SBF2: variants seen among roughly 807,000 people sequenced by gnomAD.
The protein encoded by SBF2 is myotubularin-related protein 13.
SBF2 carries 112 observed loss-of-function variants against 225.2 expected under a neutral mutation model. The ratio of observed to expected loss-of-function variants is 0.50; its 90% confidence interval spans 0.43 to 0.58. The LOEUF (loss-of-function observed/expected upper bound fraction) is 0.58, where lower values mean the gene tolerates loss of function less well. Ranked by LOEUF, SBF2 falls within the 20% of genes least tolerant of loss-of-function variation. SBF2 has a pLI of 0.00. For synonymous variants in SBF2, 763 were observed against 773.3 expected (o/e 0.99, Z 0.22); for missense variants, 1,996 against 2,206.2 (o/e 0.90, Z 1.91).
chr11:10,226,796 G>C (rs1958582139), intron 1 of SBF2, among the ~76,000 whole-genome samples: 1 of 152,148 alleles, frequency 6.6e-6, no homozygotes, highest in Non-Finnish European at 1.5e-5. Context: ...ACATACATGT[G>C]CATGTGTCTT....
intron 16 of SBF2, among the ~76,000 whole-genome samples, chr11:9,941,313 C>A (rs1030467846): frequency 1.3e-5 from 2 of 151,720 alleles, no homozygotes; most frequent in African/African-American, 4.8e-5. Flanking sequence ...TGGAGCAAGA[C>A]CCTGTCTCTT....
chr11:10,289,743 G>A (rs1372891829), intron 1 of SBF2, among the ~76,000 whole-genome samples: 1 of 152,154 alleles, frequency 6.6e-6, no homozygotes, highest in Non-Finnish European at 1.5e-5. Context: ...GCTGCTGGCT[G>A]GGTCCCTGAA....
chr11:9,955,929 A>T (rs1866136456), intron 16 of SBF2, among the ~76,000 whole-genome samples: 1 of 152,138 alleles, frequency 6.6e-6, no homozygotes, highest in Non-Finnish European at 1.5e-5. Context: ...CTTAAATAGT[A>T]TATAACATGC....
intron 6 of SBF2, 79 bp downstream of exon 6, chr11:10,028,373 G>A (rs1949124762): frequency 2.3e-6 from 2 of 879,948 alleles, no homozygotes; most frequent in African/African-American, 1.6e-5. Context: ...TGATTCATGT[G>A]AGGTGATGTC....
intron 31 of SBF2, chr11:9,808,414 C>T (rs1853974280): frequency 1.7e-6 from 1 of 575,940 alleles, no homozygotes; most frequent in Non-Finnish European, 3.1e-6. Flanking sequence ...GGAATTGAGA[C>T]TTTAATCCTT....
chr11:9,963,970 G>A, intron 14 of SBF2, 88 bp from the exon 15 acceptor site: 1 of 791,566 alleles, frequency 1.3e-6, no homozygotes, highest in Non-Finnish European at 2.1e-6. Flanking sequence ...AAGACTGTAG[G>A]TTGGGCGTGG....
intron 2 of SBF2, among the ~76,000 whole-genome samples, chr11:10,086,034 C>T (rs562586851): frequency 2.9e-5 from 4 of 138,158 alleles, no homozygotes; most frequent in South Asian, 4.5e-4. Context: ...CTGGCACACA[C>T]GTGCATGTGT....
At chr11:10,083,919 T>C (rs1951457281) in intron 2 of SBF2, among the ~76,000 whole-genome samples, 2 of 152,166 alleles carry the variant, frequency 1.3e-5, no homozygotes, top group Non-Finnish European at 2.9e-5. Context: ...CTGGAAGTCA[T>C]GCTTGAGGCC....
intron 28 of SBF2, among the ~76,000 whole-genome samples, chr11:9,827,573 C>T (rs1203616954): frequency 6.6e-6 from 1 of 151,808 alleles, no homozygotes; most frequent in Non-Finnish European, 1.5e-5. Context: ...ATTTCCTCTG[C>T]AGAGTGAAAA....
chr11:10,130,620 C>T (rs1467592151), intron 2 of SBF2, among the ~76,000 whole-genome samples: 2 of 151,940 alleles, frequency 1.3e-5, no homozygotes, highest in Non-Finnish European at 2.9e-5. Context: ...GTGTAATCAC[C>T]ATCACAATCA....
At chr11:9,885,742 T>C (rs1257943923) in intron 17 of SBF2, among the ~76,000 whole-genome samples, 1 of 152,232 alleles carries the variant, frequency 6.6e-6, no homozygotes, top group Non-Finnish European at 1.5e-5. Flanking sequence ...TATTAAGTTA[T>C]TCTGTTGTAA....
At chr11:10,302,461 C>A (rs1478237204) in intron 1 of SBF2, among the ~76,000 whole-genome samples, 1 of 152,228 alleles carries the variant, frequency 6.6e-6, no homozygotes, top group Non-Finnish European at 1.5e-5. Context: ...TGACTTGGTT[C>A]TCAAGTGACA....
chr11:10,288,977 TCCACGACGCCCAGGCTTCTCGCTTCA>T (rs1963981717), intron 1 of SBF2, among the ~76,000 whole-genome samples: 1 of 152,150 alleles, frequency 6.6e-6, no homozygotes, highest in African/African-American at 2.4e-5. Flanking sequence ...CCTTCCGCCA[TCCACGACGCCCAGGCTTCTCGCTTCA>T]AGGGGTACCT....
At chr11:10,190,060 A>G (rs1468236516) in intron 2 of SBF2, among the ~76,000 whole-genome samples, 31 of 151,884 alleles carry the variant, frequency 2.0e-4, no homozygotes, top group Admixed American at 2.0e-3. Context: ...CTGAGGCAGG[A>G]GGACTGCTTG....
At chr11:10,135,388 C>T (rs1329699263) in intron 2 of SBF2, among the ~76,000 whole-genome samples, 5 of 152,182 alleles carry the variant, frequency 3.3e-5, no homozygotes, top group Admixed American at 6.5e-5. Context: ...TTTGGCTCCT[C>T]GTTACTTATG....
intron 1 of SBF2, among the ~76,000 whole-genome samples, chr11:10,227,822 A>G (rs1209604540): frequency 6.6e-6 from 1 of 151,820 alleles, no homozygotes; most frequent in Non-Finnish European, 1.5e-5. Context: ...TTGGTTCCAT[A>G]TGAACTTTAA....
chr11:10,026,030 GTTT>G (rs374047187), intron 6 of SBF2, among the ~76,000 whole-genome samples: 73 of 144,756 alleles, frequency 5.0e-4, no homozygotes, highest in South Asian at 1.3e-3. Context: ...ATCTACAGTA[GTTT>G]TTTTTTTTTT....
At chr11:10,150,118 A>G (rs1003296248) in intron 2 of SBF2, among the ~76,000 whole-genome samples, 17 of 152,162 alleles carry the variant, frequency 1.1e-4, no homozygotes, top group African/African-American at 3.6e-4. Context: ...GTATCCTTGA[A>G]CAAAAATTGC....
intron 3 of SBF2, 80 bp downstream of exon 3, chr11:10,042,764 G>A: frequency 6.7e-7 from 1 of 1,490,096 alleles, no homozygotes. Flanking sequence ...ACTTGCAGTT[G>A]TAACAAAAAT....
Sources: allele counts gnomAD v4.1 joint callset (sites outside exome capture counted in the v4.1 genomes callset), GRCh38; gene constraint gnomAD v4.1.1; transcripts MANE v1.5; gene names NCBI Gene and HGNC (gene_info 2026-07-23, HGNC 2026-07-21).